Variants in FIBCD1 observed in about 807,000 individuals in gnomAD.
FIBCD1 encodes fibrinogen C domain containing 1.
Under a neutral mutation model 45.1 loss-of-function variants are expected in FIBCD1, and 47 were observed. That is an observed-to-expected ratio of 1.04 (90% confidence interval 0.82 to 1.33). The LOEUF (loss-of-function observed/expected upper bound fraction) is 1.33, where lower values mean the gene tolerates loss of function less well. Among genes scored for constraint, FIBCD1 ranks in the 40% most tolerant of loss-of-function variants. The pLI is 0.00. For synonymous variants in FIBCD1, 313 were observed against 308.1 expected, an observed-to-expected ratio of 1.02 and a Z score of -0.17; for missense variants, 653 against 682.2, an observed-to-expected ratio of 0.96 and a Z score of 0.48.
At chr9:130,915,776 C>T (rs899106230) in intron 4 of FIBCD1, among the ~76,000 whole-genome samples, 2 of 152,320 alleles carry the variant, frequency 1.3e-5, no homozygotes, top group East Asian at 3.9e-4. Flanking sequence ...TGACGGATTG[C>T]GGACCTGCTC....
chr9:130,932,461 A>G (rs1832457738), intron 1 of FIBCD1, among the ~76,000 whole-genome samples: 1 of 152,170 alleles, frequency 6.6e-6, no homozygotes, highest in African/African-American at 2.4e-5. Flanking sequence ...TCCACGCATC[A>G]AGACAATTTA....
rs1274446399 is a variant in FIBCD1 at position 130,929,856 on chromosome 9, G to A, written c.263C>T (p.Ser88Leu). ...ALVTVERADS[S>L]HLSILIDPRC... ...CGGGTCAATGAGGATGCTGAGGTGC[G>A]AGCTGTCCGCCCTTTCCACAGTGAC... The change falls in exon 2 of 7, where the codon TCG (serine) becomes TTG (leucine). Residue 88 changes from serine (S) to leucine (L), a missense_variant. Coordinates refer to ENST00000372338, the MANE Select transcript of FIBCD1 (RefSeq NM_032843.5). 6 of 1,549,764 alleles carry A rather than the reference G, an allele frequency of 3.9e-6. No homozygotes were observed. Among genetic ancestry groups the A allele is most frequent in the African/African-American group, 1.4e-5 (1 of 73,166 alleles).
intron 1 of FIBCD1, among the ~76,000 whole-genome samples, chr9:130,932,463 G>C (rs1832457793): frequency 6.6e-6 from 1 of 152,206 alleles, no homozygotes; most frequent in Non-Finnish European, 1.5e-5. Flanking sequence ...CACGCATCAA[G>C]ACAATTTACT....
At chr9:130,933,306 T>TG (rs1832469096) in intron 1 of FIBCD1, among the ~76,000 whole-genome samples, 1 of 152,192 alleles carries the variant, frequency 6.6e-6, no homozygotes, top group African/African-American at 2.4e-5. Flanking sequence ...CCAACTGGTA[T>TG]GCCTGAGGCT....
At chr9:130,915,151 T>C (rs2133086194) in intron 4 of FIBCD1, among the ~76,000 whole-genome samples, 1 of 152,312 alleles carries the variant, frequency 6.6e-6, no homozygotes. Context: ...TAGCCTTGAG[T>C]GTGCCCCTCT....
intron 4 of FIBCD1, among the ~76,000 whole-genome samples, chr9:130,919,373 A>T (rs1199150165): frequency 1.3e-5 from 2 of 152,258 alleles, no homozygotes; most frequent in African/African-American, 4.8e-5. Context: ...GTCACAGCAG[A>T]TCCCCTGCCA....
At position 130,938,951 on chromosome 9, in the gene FIBCD1, C is replaced by G. The variant is rs1832569181; in HGVS notation, c.-344G>C. ...TCAATCTCCGCATCTTTTCTGGTCTCGGACTCTCTTTGCTTTTTATTGCTC... is the reference window on the plus strand; with the variant it reads ...TCAATCTCCGCATCTTTTCTGGTCTGGGACTCTCTTTGCTTTTTATTGCTC... On this transcript the variant is annotated 5_prime_UTR_variant, in exon 1 of 7. Transcript: ENST00000372338. 1 of 152,290 alleles carries G rather than the reference C, an allele frequency of 6.6e-6. No homozygotes were observed. Among genetic ancestry groups the G allele is most frequent in the Non-Finnish European group, 1.5e-5 (1 of 68,160 alleles). The allele number at this position is 152,290 out of a possible 1,614,324, so 9.4% of individuals were successfully genotyped here. A position where few individuals can be genotyped will look rare whatever the true frequency, so the allele number is the denominator to read the frequency against.
At chr9:130,937,529 T>C (rs1351421216) in intron 1 of FIBCD1, among the ~76,000 whole-genome samples, 1 of 152,194 alleles carries the variant, frequency 6.6e-6, no homozygotes, top group African/African-American at 2.4e-5. Context: ...TTGCAGCTCC[T>C]GAGAGGAAGG....
At chr9:130,933,501 C>T (rs977688495) in intron 1 of FIBCD1, among the ~76,000 whole-genome samples, 5 of 152,196 alleles carry the variant, frequency 3.3e-5, no homozygotes, top group African/African-American at 7.2e-5. Context: ...ACTGACCACT[C>T]GCATGAGCTT....
intron 1 of FIBCD1, among the ~76,000 whole-genome samples, chr9:130,937,866 G>A (rs1246026063): frequency 6.6e-6 from 1 of 152,224 alleles, no homozygotes; most frequent in African/African-American, 2.4e-5. Context: ...CCCCTGAAGA[G>A]GCAGCAGGAA....
chr9:130,913,327 G>A (rs1001090928), intron 4 of FIBCD1, among the ~76,000 whole-genome samples: 1 of 151,628 alleles, frequency 6.6e-6, no homozygotes, highest in East Asian at 1.9e-4. Context: ...ATCTGTGTCA[G>A]AGTCTGATGT....
At chr9:130,904,920 C>A in intron 6 of FIBCD1, among the ~76,000 whole-genome samples, 1 of 152,164 alleles carries the variant, frequency 6.6e-6, no homozygotes, top group East Asian at 1.9e-4. Flanking sequence ...TCTTTTATGA[C>A]ATGCAACTGA....
chr9:130,937,264 G>A (rs931036923), intron 1 of FIBCD1, among the ~76,000 whole-genome samples: 4 of 152,134 alleles, frequency 2.6e-5, no homozygotes, highest in Non-Finnish European at 5.9e-5. Context: ...AAAGAGGGGC[G>A]CGACCACCCC....
chr9:130,918,644 CGGCAGCCCTTCAAA>C (rs1213929939), intron 4 of FIBCD1, among the ~76,000 whole-genome samples: 1 of 152,138 alleles, frequency 6.6e-6, no homozygotes, highest in African/African-American at 2.4e-5. Context: ...GTGTGAGCTA[CGGCAGCCCTTCAAA>C]GGCAGCCCTG....
At chr9:130,927,771 C>A (rs1251934187) in intron 2 of FIBCD1, among the ~76,000 whole-genome samples, 1 of 152,236 alleles carries the variant, frequency 6.6e-6, no homozygotes, top group Non-Finnish European at 1.5e-5. Context: ...CGGGTTCGAG[C>A]AATTTCCCTG....
Position 130,937,514 on chromosome 9 carries a change from G to A in FIBCD1, c.72+1022C>T, listed in dbSNP as rs544236687. On this transcript the variant is annotated intron_variant, in intron 1 of 6. Transcript: ENST00000372338. ...GGCAGTGTCACACCAGGAAGAATGAGCAGGTTGCAGCTCCTGAGAGGAAGG... is the reference window on the plus strand; with the variant it reads ...GGCAGTGTCACACCAGGAAGAATGAACAGGTTGCAGCTCCTGAGAGGAAGG... 2.6e-5 allele frequency among the ~76,000 whole-genome samples: 4 copies of A among 152,314 alleles called. No homozygotes were observed. The South Asian group carries it at 8.3e-4, about 32-fold the overall frequency.
rs574249010 is a variant in FIBCD1, at chr9:130,913,856, T to G, written c.850-1968A>C. On this transcript the variant is annotated intron_variant, in intron 4 of 6. Coordinates refer to ENST00000372338, the MANE Select transcript of FIBCD1 (RefSeq NM_032843.5). ...AGCCCCCTGGGATGCCTGGCTGGCA[T>G]TGGCCGTCGGCTGGGCCTCTGCCCT... 1.5e-4 allele frequency among the ~76,000 whole-genome samples: 23 copies of G among 152,290 alleles called. 1 individual carries two copies. Among genetic ancestry groups the G allele is most frequent in the South Asian group, 1.2e-3 (6 of 4,816 alleles).
chr9:130,938,705 T>C lies in FIBCD1; in HGVS notation c.-98A>G. 1.4e-6 allele frequency: 1 copy of C among 699,292 alleles called. No homozygotes were observed. The highest frequency in any genetic ancestry group is 1.9e-6 in the Non-Finnish European group (1 of 536,926). 43.3% of individuals were successfully genotyped at this position (699,292 alleles called of 1,614,324 possible). A position where few individuals can be genotyped will look rare whatever the true frequency, so the allele number is the denominator to read the frequency against. Reference sequence around the variant, plus strand: ...GGGCGCGGGCGCGGGGCGCGCTCTGTCCGCCGGGTCCCCGCCTCTGTGCCC... The same window carrying C: ...GGGCGCGGGCGCGGGGCGCGCTCTGCCCGCCGGGTCCCCGCCTCTGTGCCC... On this transcript the variant is annotated 5_prime_UTR_variant, in exon 1 of 7. Transcript: ENST00000372338.
Position 130,904,334 on chromosome 9 carries a change from G to T in FIBCD1, c.1127-11C>A. On this transcript the variant is annotated splice_polypyrimidine_tract_variant and intron_variant, in intron 6 of 6. Transcript: ENST00000372338. The stretch of plus-strand genomic sequence containing the variant: ...TCAGGAGGGAGTCGCCTGCGCAGGG[G>T]TGCACACAGGTGTGGGCACGGGGGG... The T allele has an allele frequency of 6.3e-7, 1 of 1,594,976 alleles. No individual in the cohort carries two copies. Among genetic ancestry groups the T allele is most frequent in the Non-Finnish European group, 8.6e-7 (1 of 1,167,952 alleles).
Sources: gnomAD v4.1 joint callset for allele counts (sites outside exome capture counted in the v4.1 genomes callset) on GRCh38, gnomAD v4.1.1 for gene constraint, MANE v1.5 for transcripts, NCBI Gene and HGNC (gene_info 2026-07-23, HGNC 2026-07-21) for gene names.